The following RGS7 variants were observed in gnomAD, a reference collection of about 807,000 sequenced individuals.
The protein encoded by RGS7 is regulator of G-protein signaling 7.
In RGS7, 27 loss-of-function variants were observed where a neutral mutation model predicts 81.1. That is an observed-to-expected ratio of 0.33 (90% CI 0.25 to 0.46). The LOEUF (loss-of-function observed/expected upper bound fraction) is 0.46. Ranked by LOEUF, RGS7 falls within the 20% of genes least tolerant of loss-of-function variation. The pLI, the probability that RGS7 is intolerant of heterozygous loss-of-function variation, is 1.00. For synonymous variants in RGS7, 208 were observed against 207.7 expected (o/e 1.00, Z -0.01); for missense variants, 396 against 607.4 (o/e 0.65, Z 3.66).
chr1:240,820,717 G>A (rs963466058), intron 10 of RGS7, among the ~76,000 whole-genome samples: 1 of 152,126 alleles, frequency 6.6e-6, no homozygotes, highest in African/African-American at 2.4e-5. Flanking sequence ...GAGTGAGCTC[G>A]CGAAAGATAT....
At chr1:241,056,107 T>TAC (rs2061465595) in intron 3 of RGS7, among the ~76,000 whole-genome samples, 1 of 152,178 alleles carries the variant, frequency 6.6e-6, no homozygotes, top group South Asian at 2.1e-4. Flanking sequence ...AACCACACTA[T>TAC]ACCTTGTTCA....
chr1:240,980,325 T>C lies in RGS7; in HGVS notation c.226+2754A>G, dbSNP rs141006996. On this transcript the variant is annotated intron_variant, in intron 4 of 18. Coordinates refer to ENST00000440928, the MANE Select transcript of RGS7 (RefSeq NM_001364886.1). Reference sequence around the variant, plus strand: ...TCTCCTCCTGTCTTCAAATGGGCCATCAGAACCTGCTCCCATACCCAGAAT... The same window carrying C: ...TCTCCTCCTGTCTTCAAATGGGCCACCAGAACCTGCTCCCATACCCAGAAT... Among the ~76,000 whole-genome samples, 935 of 152,302 alleles carry C rather than the reference T, an allele frequency of 6.1e-3. 14 individuals are homozygous for C. Among genetic ancestry groups the C allele is most frequent in the African/African-American group, 0.021 (866 of 41,576 alleles).
chr1:241,061,652 C>CAGTAGGCTA (rs1558660826), intron 3 of RGS7, among the ~76,000 whole-genome samples: 1 of 152,172 alleles, frequency 6.6e-6, no homozygotes. Context: ...GAGTAGGGAA[C>CAGTAGGCTA]AGGCGAGGAG....
intron 3 of RGS7, among the ~76,000 whole-genome samples, chr1:240,989,616 T>C (rs1686168646): frequency 6.6e-6 from 1 of 152,080 alleles, no homozygotes; most frequent in African/African-American, 2.4e-5. Flanking sequence ...GCATTCTCCC[T>C]ACCCTCAAGA....
At position 241,197,489 on chromosome 1, in the gene RGS7, C is replaced by T. The variant is rs1448758158; in HGVS notation, c.79-98727G>A. 2.2e-5 allele frequency among the ~76,000 whole-genome samples: 2 copies of T among 90,560 alleles called. 1 individual carries two copies. The highest frequency in any genetic ancestry group is 7.8e-5 in the African/African-American group (2 of 25,684). The allele number at this position is 90,560 out of a possible 152,430, so 59.4% of individuals were successfully genotyped here. A position where few individuals can be genotyped will look rare whatever the true frequency, so the allele number is the denominator to read the frequency against. On this transcript the variant is annotated intron_variant, in intron 2 of 18. Coordinates refer to ENST00000440928, the MANE Select transcript of RGS7 (RefSeq NM_001364886.1). ...CGGGATGGTCTCGATCTCCTGACCTCGTGATCCGCCCGCCTCGGCCTCCCA... is the reference window on the plus strand; with the variant it reads ...CGGGATGGTCTCGATCTCCTGACCTTGTGATCCGCCCGCCTCGGCCTCCCA...
At chr1:240,958,571 G>T (rs115932525) in intron 4 of RGS7, among the ~76,000 whole-genome samples, 1 of 152,116 alleles carries the variant, frequency 6.6e-6, no homozygotes, top group African/African-American at 2.4e-5. Context: ...TGCTCTGCAG[G>T]ACGACTTTTA....
chr1:241,012,046 T>C (rs368562826), intron 3 of RGS7, among the ~76,000 whole-genome samples: 3 of 152,258 alleles, frequency 2.0e-5, no homozygotes, highest in South Asian at 4.1e-4. Flanking sequence ...CCAAGAACCC[T>C]TTCTTGGGGT....
At chr1:240,941,879 A>G (rs1422173821) in intron 4 of RGS7, among the ~76,000 whole-genome samples, 2 of 150,926 alleles carry the variant, frequency 1.3e-5, no homozygotes, top group Admixed American at 6.7e-5. Context: ...GGCACACCAG[A>G]TGGCCCAGCA....
intron 4 of RGS7, among the ~76,000 whole-genome samples, chr1:240,969,245 A>G (rs895823280): frequency 6.6e-6 from 1 of 152,094 alleles, no homozygotes; most frequent in African/African-American, 2.4e-5. Context: ...GCCAAAGGAA[A>G]TTCAAGTCGG....
chr1:240,907,730 C>G (rs768900754), intron 6 of RGS7, among the ~76,000 whole-genome samples: 2 of 152,116 alleles, frequency 1.3e-5, no homozygotes, highest in Non-Finnish European at 2.9e-5. Flanking sequence ...AATCTTATCC[C>G]GTAATAAGTG....
At chr1:241,048,129 A>C (rs1293850147) in intron 3 of RGS7, among the ~76,000 whole-genome samples, 1 of 152,052 alleles carries the variant, frequency 6.6e-6, no homozygotes, top group African/African-American at 2.4e-5. Flanking sequence ...TTAAAAGGAA[A>C]GAGTCTAAAA....
In RGS7 at chr1:240,900,455, C is replaced by T. The variant is rs556365404; in HGVS notation, c.385+30262G>A. On this transcript the variant is annotated intron_variant, in intron 6 of 18. Coordinates refer to ENST00000440928, the MANE Select transcript of RGS7 (RefSeq NM_001364886.1). Reference sequence around the variant, plus strand: ...TACCTTTGGTCTTTGATGATGGTGACGTACAGATGGGGTTTTGGTGTGGAT... The same window carrying T: ...TACCTTTGGTCTTTGATGATGGTGATGTACAGATGGGGTTTTGGTGTGGAT... Among the ~76,000 whole-genome samples, 54 of 152,252 alleles carry T rather than the reference C, an allele frequency of 3.5e-4. No individual in the cohort carries two copies. In the South Asian group the frequency reaches 4.8e-3, roughly 13 times the overall value.
At chr1:241,079,585 T>C (rs1420966329) in intron 3 of RGS7, among the ~76,000 whole-genome samples, 1 of 152,076 alleles carries the variant, frequency 6.6e-6, no homozygotes, top group Non-Finnish European at 1.5e-5. Context: ...CCTAGAATTA[T>C]TAGGAGGTAA....
chr1:241,259,667 A>AAAAAAAAAAAAAAAAAT lies in RGS7; in HGVS notation c.78+96031_78+96032insATTTTTTTTTTTTTTTT. On this transcript the variant is annotated intron_variant, in intron 2 of 18. Transcript: ENST00000440928. ...CTCCGTCTCAAAAAAAAAAAAAAAAAATATATATATATATATATAATTAAA... is the reference window on the plus strand; with the variant it reads ...CTCCGTCTCAAAAAAAAAAAAAAAAAAAAAAAAAAAAAAAAATATATATATATATATATATAATTAAA... Among the ~76,000 whole-genome samples the AAAAAAAAAAAAAAAAAT allele has an allele frequency of 9.0e-3, 440 of 49,010 alleles. 18 individuals carry two copies. Among genetic ancestry groups the AAAAAAAAAAAAAAAAAT allele is most frequent in the Non-Finnish European group, 0.012 (338 of 27,470 alleles). The allele number at this position is 49,010 out of a possible 152,430, so 32.2% of individuals were successfully genotyped here.
intron 2 of RGS7, among the ~76,000 whole-genome samples, chr1:241,237,394 C>T (rs1300943987): frequency 2.0e-5 from 3 of 152,148 alleles, no homozygotes; most frequent in African/African-American, 7.2e-5. Flanking sequence ...GGACTTTGTG[C>T]ACTGGACCAT....
At chr1:241,094,877 T>C (rs975931296) in intron 3 of RGS7, among the ~76,000 whole-genome samples, 3 of 152,210 alleles carry the variant, frequency 2.0e-5, no homozygotes, top group Non-Finnish European at 2.9e-5. Context: ...CTTTGAAGCA[T>C]GGGAGTTGTC....
intron 2 of RGS7, among the ~76,000 whole-genome samples, chr1:241,100,448 C>T (rs916147640): frequency 1.6e-4 from 24 of 149,674 alleles, no homozygotes; most frequent in Non-Finnish European, 3.3e-4. Context: ...ATCTAATGTT[C>T]TTGGTATCAA....
intron 3 of RGS7, among the ~76,000 whole-genome samples, chr1:241,078,345 G>GTGTGTGTGT (rs2062939759): frequency 1.7e-5 from 2 of 114,862 alleles, no homozygotes; most frequent in Non-Finnish European, 3.5e-5. Flanking sequence ...GTGTGTGTGT[G>GTGTGTGTGT]GCATAAACTG....
At chr1:241,311,095 A>T (rs927551396) in intron 2 of RGS7, among the ~76,000 whole-genome samples, 2 of 152,230 alleles carry the variant, frequency 1.3e-5, no homozygotes, top group Non-Finnish European at 2.9e-5. Flanking sequence ...ATAAAAATTT[A>T]AAATGAGATA....
Sources: allele counts gnomAD v4.1 joint callset (sites outside exome capture counted in the v4.1 genomes callset), GRCh38; gene constraint gnomAD v4.1.1; transcripts MANE v1.5; gene names NCBI Gene and HGNC (gene_info 2026-07-23, HGNC 2026-07-21).